LPP: variants seen among roughly 807,000 people sequenced by gnomAD.
LPP encodes the protein lipoma-preferred partner.
LPP carries 38 observed loss-of-function variants against 60.4 expected under a neutral mutation model. That is an observed-to-expected ratio of 0.63 (90% CI 0.49 to 0.83). The LOEUF (loss-of-function observed/expected upper bound fraction) is 0.83. Among genes scored for constraint, LPP ranks in the 40% least tolerant of loss-of-function variants. LPP has a pLI of 0.00. For missense variants in LPP, 902 were observed against 783.6 expected (o/e 1.15, Z -1.80); for synonymous variants, 328 against 290.8 (o/e 1.13, Z -1.30).
intron 8 of LPP, among the ~76,000 whole-genome samples, chr3:188,720,877 T>C (rs1028366984): frequency 2.0e-5 from 3 of 152,146 alleles, no homozygotes; most frequent in Non-Finnish European, 4.4e-5. Flanking sequence ...ACAGAAACAG[T>C]GTACACTAGT....
intron 2 of LPP, among the ~76,000 whole-genome samples, chr3:188,293,828 A>G (rs1012214027): frequency 5.3e-5 from 8 of 151,934 alleles, no homozygotes; most frequent in African/African-American, 1.9e-4. Context: ...ACTTTGGGAG[A>G]CCGAGGTGGG....
chr3:188,379,364 T>A lies in LPP; in HGVS notation c.-9-26748T>A, dbSNP rs375093848. ...TCTTACAACTTTCGAAGAGACTAGT[T>A]GGATGGGCAAGTTTTCTTAATAGCT... On this transcript the variant is annotated intron_variant, in intron 3 of 11. Coordinates refer to ENST00000617246, the MANE Select transcript of LPP (RefSeq NM_001375462.1). 9.2e-5 allele frequency among the ~76,000 whole-genome samples: 14 copies of A among 152,286 alleles called. No individual in the cohort carries two copies. In the South Asian group the frequency reaches 2.9e-3, roughly 32 times the overall value.
At chr3:188,468,284 C>A (rs1800958680) in intron 4 of LPP, among the ~76,000 whole-genome samples, 1 of 152,098 alleles carries the variant, frequency 6.6e-6, no homozygotes, top group Non-Finnish European at 1.5e-5. Flanking sequence ...GCAAACTTTT[C>A]TGTAAATCTG....
rs1028794184 is a variant in LPP at position 188,866,357 on chromosome 3, A to G, written c.1568A>G (p.His523Arg). The stretch of plus-strand genomic sequence containing the variant: ...ACTGTGGATGCTGGCGGGCTCATTC[A>G]CTGCATTGAGGACTTCCACAAGTAG... ...PFTVDAGGLIHCIEDFHKKFA... is the reference protein window; with the variant it reads ...PFTVDAGGLIRCIEDFHKKFA... The change falls in exon 10 of 12, where the codon CAC becomes CGC. Residue 523 changes from histidine (H) to arginine (R), a missense_variant. Transcript: ENST00000617246. The G allele has an allele frequency of 6.5e-7, 1 of 1,537,792 alleles. No homozygotes were observed. The highest frequency in any genetic ancestry group is 1.9e-5 in the Admixed American group (1 of 51,764).
At chr3:188,425,358 T>C (rs1789003875) in intron 4 of LPP, among the ~76,000 whole-genome samples, 2 of 152,194 alleles carry the variant, frequency 1.3e-5, no homozygotes, top group African/African-American at 4.8e-5. Context: ...AGTATTTTTA[T>C]TGAGGATTTT....
intron 2 of LPP, among the ~76,000 whole-genome samples, chr3:188,250,638 C>A (rs760846783): frequency 6.6e-6 from 1 of 152,102 alleles, no homozygotes; most frequent in Non-Finnish European, 1.5e-5. Flanking sequence ...CAGCATCCTG[C>A]GTTCTACTGT....
intron 2 of LPP, among the ~76,000 whole-genome samples, chr3:188,299,121 T>A (rs1340305343): frequency 6.6e-6 from 1 of 152,206 alleles, no homozygotes; most frequent in East Asian, 1.9e-4. Flanking sequence ...CGGGTGAACT[T>A]GCTCATGGGC....
intron 9 of LPP, among the ~76,000 whole-genome samples, chr3:188,864,065 C>A (rs1388601963): frequency 1.3e-5 from 2 of 152,078 alleles, no homozygotes; most frequent in Non-Finnish European, 2.9e-5. Flanking sequence ...AGAAACAGGC[C>A]CTCATTCTTC....
chr3:188,710,949 G>A (rs1375845217), intron 8 of LPP: 1 of 152,088 alleles, frequency 6.6e-6, no homozygotes. Flanking sequence ...TCTGTAATAT[G>A]GGAATAATAA....
chr3:188,879,998 A>G lies in LPP; in HGVS notation c.*5519A>G, dbSNP rs1578120721. 5.7e-6 allele frequency: 1 copy of G among 175,886 alleles called. No homozygotes were observed. The highest frequency in any genetic ancestry group is 9.6e-5 in the East Asian group (1 of 10,448). 10.9% of individuals were successfully genotyped at this position (175,886 alleles called of 1,614,324 possible). A position where few individuals can be genotyped will look rare whatever the true frequency, so the allele number is the denominator to read the frequency against. Reference sequence around the variant, plus strand: ...AACATGCATGTCCCTTATTTTGTGGAGAGCTGTGTGAAAGATGCGTTTTTT... The same window carrying G: ...AACATGCATGTCCCTTATTTTGTGGGGAGCTGTGTGAAAGATGCGTTTTTT... On this transcript the variant is annotated 3_prime_UTR_variant, in exon 12 of 12. Transcript: ENST00000617246.
At chr3:188,154,530 G>C (rs549328614) in intron 1 of LPP, among the ~76,000 whole-genome samples, 1 of 152,186 alleles carries the variant, frequency 6.6e-6, no homozygotes, top group Non-Finnish European at 1.5e-5. Flanking sequence ...GGGCGCCCAG[G>C]GGGCGGGGCC....
At chr3:188,209,151 A>G (rs1388068986) in intron 1 of LPP, among the ~76,000 whole-genome samples, 2 of 152,156 alleles carry the variant, frequency 1.3e-5, no homozygotes, top group African/African-American at 2.4e-5. Flanking sequence ...CAGAATTGGA[A>G]CTGGAGTCTC....
At chr3:188,526,074 C>T (rs547591505) in intron 6 of LPP, among the ~76,000 whole-genome samples, 5 of 152,280 alleles carry the variant, frequency 3.3e-5, no homozygotes, top group African/African-American at 4.8e-5. Context: ...TAGTTGCAAA[C>T]GCTAGAGAAG....
intron 2 of LPP, among the ~76,000 whole-genome samples, chr3:188,257,447 C>T (rs992804008): frequency 3.9e-5 from 6 of 152,138 alleles, no homozygotes; most frequent in South Asian, 2.1e-4. Context: ...CAAGATTTAA[C>T]GACAGTTAAA....
At chr3:188,270,505 C>T (rs1346360963) in intron 2 of LPP, among the ~76,000 whole-genome samples, 1 of 152,106 alleles carries the variant, frequency 6.6e-6, no homozygotes, top group Admixed American at 6.5e-5. Flanking sequence ...ATCGGTTTTC[C>T]AGTAAAGACA....
At chr3:188,787,317 A>G (rs1742257475) in intron 9 of LPP, among the ~76,000 whole-genome samples, 1 of 152,212 alleles carries the variant, frequency 6.6e-6, no homozygotes, top group African/African-American at 2.4e-5. Flanking sequence ...AGAAAAGGCA[A>G]TTTTAGATTT....
chr3:188,815,044 C>A (rs1752090784), intron 9 of LPP, among the ~76,000 whole-genome samples: 1 of 152,146 alleles, frequency 6.6e-6, no homozygotes, highest in East Asian at 1.9e-4. Context: ...GTGCTTCGCG[C>A]ACAATAAAAG....
intron 6 of LPP, among the ~76,000 whole-genome samples, chr3:188,548,128 G>A (rs560066231): frequency 2.6e-5 from 4 of 152,280 alleles, no homozygotes; most frequent in Non-Finnish European, 4.4e-5. Flanking sequence ...CCCTGAGACT[G>A]TAACAGAGAG....
Position 188,792,391 on chromosome 3 carries a change from C to T in LPP, c.1410+32109C>T, listed in dbSNP as rs369221584. The stretch of plus-strand genomic sequence containing the variant: ...GCTTACCGCAAGCTCACTGCCTCCT[C>T]CTCAGATTGTGCCAGACATACCAGG... On this transcript the variant is annotated intron_variant, in intron 9 of 11. Transcript: ENST00000617246. 6.9e-4 allele frequency among the ~76,000 whole-genome samples: 105 copies of T among 152,308 alleles called. 2 individuals carry two copies. The highest frequency in any genetic ancestry group is 2.5e-3 in the African/African-American group (104 of 41,574).
Sources: allele counts gnomAD v4.1 joint callset (sites outside exome capture counted in the v4.1 genomes callset), GRCh38; gene constraint gnomAD v4.1.1; transcripts MANE v1.5; gene names NCBI Gene and HGNC (gene_info 2026-07-23, HGNC 2026-07-21).